ZNF800: variants seen among roughly 807,000 people sequenced by gnomAD.
The protein encoded by ZNF800 is zinc finger protein 800.
Under a neutral mutation model 59.5 loss-of-function variants are expected in ZNF800, and 13 were observed. The ratio of observed to expected loss-of-function variants is 0.22; its 90% CI spans 0.14 to 0.35. The LOEUF (loss-of-function observed/expected upper bound fraction) is 0.35. Ranked by LOEUF, ZNF800 falls within the 10% of genes least tolerant of loss-of-function variation. The pLI, the probability that ZNF800 is intolerant of heterozygous loss-of-function variation, is 1.00. For missense variants in ZNF800, 621 were observed against 783.7 expected (o/e 0.79, Z 2.48); for synonymous variants, 266 against 265.7 (o/e 1.00, Z -0.01).
At chr7:127,361,409 T>G (rs1347302234) in intron 1 of ZNF800, 1 of 151,914 alleles carries the variant, frequency 6.6e-6, no homozygotes, top group South Asian at 2.1e-4. Flanking sequence ...AGACCTCATC[T>G]CTACAGAAAA....
At chr7:127,372,555 C>CA in intron 5 of ZNF800, 2 of 937,374 alleles carry the variant, frequency 2.1e-6, no homozygotes, top group Non-Finnish European at 2.5e-6. Flanking sequence ...CACACAACCA[C>CA]AAAAAACAAA....
intron 2 of ZNF800, among the ~76,000 whole-genome samples, chr7:127,387,498 A>T (rs17863291): frequency 0.14 from 20,854 of 152,228 alleles, 1,676 homozygotes; most frequent in Middle Eastern, 0.22. Flanking sequence ...TCTAGTGCTC[A>T]GTGTACACAA....
rs773843923 is a variant in ZNF800, at chr7:127,374,854, C to T, written c.482G>A (p.Ser161Asn). The change falls in exon 5 of 6, where the codon AGT becomes AAT. Residue 161 changes from serine to asparagine, a missense_variant. Transcript: ENST00000265827. ...CTGAACTTCGGTTTGTTCAGGAGTA[C>T]TGCTTGACTCTGTGACTTCAATAGG... Reference protein sequence around the residue: ...DNPIEVTESSSTPEQTEVQIQ... With the variant: ...DNPIEVTESSNTPEQTEVQIQ... 2 of 1,613,634 alleles carry T rather than the reference C, an allele frequency of 1.2e-6. No individual in the cohort carries two copies. Among genetic ancestry groups the T allele is most frequent in the South Asian group, 2.2e-5 (2 of 91,054 alleles).
Position 127,374,152 on chromosome 7 carries a change from T to C in ZNF800, c.1184A>G (p.Lys395Arg). 6.2e-7 allele frequency: 1 copy of C among 1,613,382 alleles called. No homozygotes were observed. Among genetic ancestry groups the C allele is most frequent in the East Asian group, 2.2e-5 (1 of 44,872 alleles). ...ACTGTTGGCAGTATTATTAGGGCCT[T>C]TTTCTCTTTTAGAGTTTGTTCCAGA... The part of the protein sequence containing the change: ...TLSGTNSKRE[K>R]GPNNTANSSE... Residue 395 changes from lysine to arginine, a missense_variant, in exon 5 of 6, where the codon AAA becomes AGA. By Grantham distance (26) the Lys-to-Arg change is conservative. Around this residue, in one of 7 missense-constraint regions of ZNF800, gnomAD observed 185 missense variants for 177.6 expected, o/e 1.04. Coordinates refer to ENST00000265827, the MANE Select transcript of ZNF800 (RefSeq NM_176814.5).
downstream of ZNF800, among the ~76,000 whole-genome samples, chr7:127,368,530 T>A (rs552204348): frequency 9.3e-4 from 142 of 152,184 alleles, 1 homozygote; most frequent in Middle Eastern, 6.8e-3. Flanking sequence ...CTTCTCCAAC[T>A]CCAAACTAAG....
Position 127,392,176 on chromosome 7 carries a change from A to T in ZNF800, c.-175T>A. The T allele has an allele frequency of 2.5e-6, 1 of 394,838 alleles. No individual in the cohort carries two copies. Among genetic ancestry groups the T allele is most frequent in the East Asian group, 3.6e-5 (1 of 27,816 alleles). 24.5% of individuals were successfully genotyped at this position (394,838 alleles called of 1,614,324 possible). A position where few individuals can be genotyped will look rare whatever the true frequency, so the allele number is the denominator to read the frequency against. On this transcript the variant is annotated 5_prime_UTR_variant, in exon 1 of 6. Coordinates refer to ENST00000265827, the MANE Select transcript of ZNF800 (RefSeq NM_176814.5). Reference sequence around the variant, plus strand: ...GCCCCACCTGGCGCAGCCTCCGCTGACCACGCGGGGGAACCCGGACTCGGG... The same window carrying T: ...GCCCCACCTGGCGCAGCCTCCGCTGTCCACGCGGGGGAACCCGGACTCGGG...
chr7:127,380,695 C>G (rs1308074231), intron 3 of ZNF800, among the ~76,000 whole-genome samples: 1 of 152,192 alleles, frequency 6.6e-6, no homozygotes, highest in African/African-American at 2.4e-5. Flanking sequence ...GTCATCCAGA[C>G]AGCAACATAA....
At chr7:127,390,872 A>G (rs1587459596) in intron 2 of ZNF800, among the ~76,000 whole-genome samples, 5 of 152,266 alleles carry the variant, frequency 3.3e-5, no homozygotes, top group Admixed American at 3.3e-4. Context: ...CATATGATAA[A>G]TTCAACTAAA....
At chr7:127,380,740 G>A (rs12672573) in intron 3 of ZNF800, among the ~76,000 whole-genome samples, 23,192 of 152,178 alleles carry the variant, frequency 0.15, 1,874 homozygotes, top group Middle Eastern at 0.22. Context: ...GAGAAACAGA[G>A]AGCCATGCTG....
rs1270944898 is a variant in ZNF800, at chr7:127,373,538, A to C, written c.1798T>G (p.Tyr600Asp). The C allele has an allele frequency of 3.1e-6, 5 of 1,614,144 alleles. No homozygotes were observed. In the African/African-American group the frequency reaches 6.7e-5, roughly 22 times the overall value. ...DGTSNSPSKK[Y>D]EVADVGIEVK... is the part of the protein sequence containing the mutation. Reference sequence around the variant, plus strand: ...TCAATACCGACGTCAGCTACTTCATACTTTTTACTAGGAGAGTTAGAAGTG... The same window carrying C: ...TCAATACCGACGTCAGCTACTTCATCCTTTTTACTAGGAGAGTTAGAAGTG... Residue 600 changes from tyrosine to aspartate, a missense_variant, in exon 5 of 6, where the codon TAT becomes GAT. Transcript: ENST00000265827.
At chr7:127,352,852 C>T (rs1800192330) in intron 1 of ZNF800, among the ~76,000 whole-genome samples, 1 of 152,164 alleles carries the variant, frequency 6.6e-6, no homozygotes. Context: ...CCAGCCTGCC[C>T]TCTGTCCTGC....
At chr7:127,352,422 A>G (rs1800184794) in intron 1 of ZNF800, among the ~76,000 whole-genome samples, 1 of 152,240 alleles carries the variant, frequency 6.6e-6, no homozygotes, top group Admixed American at 6.5e-5. Flanking sequence ...AAAGCTGGCC[A>G]TGCATCTGCA....
At chr7:127,365,834 A>G (rs1340693921), downstream of ZNF800, among the ~76,000 whole-genome samples, 1 of 152,144 alleles carries the variant, frequency 6.6e-6, no homozygotes, top group African/African-American at 2.4e-5. Context: ...GAAGGCAACA[A>G]ACATCAAATG....
downstream of ZNF800, among the ~76,000 whole-genome samples, chr7:127,366,358 CAAACTATGCAGCAT>C (rs1412138442): frequency 1.3e-5 from 2 of 152,110 alleles, no homozygotes; most frequent in African/African-American, 4.8e-5. Context: ...ATCACCAACT[CAAACTATGCAGCAT>C]AATTGTGGAT....
chr7:127,387,828 T>A (rs1801184375), intron 2 of ZNF800, among the ~76,000 whole-genome samples: 1 of 151,656 alleles, frequency 6.6e-6, no homozygotes, highest in Admixed American at 6.6e-5. Flanking sequence ...GCCACTGCAC[T>A]CCAGCCTGGG....
downstream of ZNF800, among the ~76,000 whole-genome samples, chr7:127,367,901 T>C (rs772361939): frequency 9.9e-5 from 15 of 152,044 alleles, no homozygotes; most frequent in Non-Finnish European, 1.8e-4. Context: ...ACCTCCAACT[T>C]TGGGCATTTT....
At chr7:127,348,233 A>G (rs944506567) in intron 1 of ZNF800, among the ~76,000 whole-genome samples, 1 of 152,066 alleles carries the variant, frequency 6.6e-6, no homozygotes, top group African/African-American at 2.4e-5. Context: ...AACAGATCCA[A>G]TTCAGGTCTC....
At chr7:127,352,065 T>C (rs1261822659) in intron 1 of ZNF800, among the ~76,000 whole-genome samples, 2 of 152,164 alleles carry the variant, frequency 1.3e-5, no homozygotes, top group Admixed American at 6.5e-5. Context: ...GTCAAAGGCA[T>C]TGTCCTAATT....
At chr7:127,371,842 C>T (rs1800639837) in intron 5 of ZNF800, 28 bp from the exon 6 acceptor site, 1 of 759,580 alleles carries the variant, frequency 1.3e-6, no homozygotes, top group Non-Finnish European at 2.4e-6. Context: ...TAAATGAACA[C>T]TTTTGAGTTT....
Sources: gnomAD v4.1 joint callset for allele counts (sites outside exome capture counted in the v4.1 genomes callset) on GRCh38, gnomAD v4.1.1 for gene constraint, gnomAD v4.1.1 regional missense constraint, MANE v1.5 for transcripts, NCBI Gene and HGNC (gene_info 2026-07-23, HGNC 2026-07-21) for gene names.